KRT40: variants seen among roughly 807,000 people sequenced by gnomAD.
KRT40 encodes keratin 40.
A neutral mutation model predicts 43.5 loss-of-function variants in KRT40; 47 were observed. That is an observed-to-expected ratio of 1.08 (90% CI 0.86 to 1.38). KRT40 has a LOEUF of 1.38. Among genes scored for constraint, KRT40 ranks in the 40% most tolerant of loss-of-function variants. KRT40 has a pLI of 0.00. For synonymous variants in KRT40, 212 were observed against 214.0 expected, an observed-to-expected ratio of 0.99 and a Z score of 0.08; for missense variants, 573 against 523.6, an observed-to-expected ratio of 1.09 and a Z score of -0.92.
rs773987290 is a variant in KRT40 at position 40,982,454 on chromosome 17, A to G, written c.540T>C (p.Ser180=). Reference sequence around the variant, plus strand: ...CTAACAGCTGGCGAAGGGACAGTTCACTCTCGTACCTTTCACAGCAAAAGA... The same window carrying G: ...CTAACAGCTGGCGAAGGGACAGTTCGCTCTCGTACCTTTCACAGCAAAAGA... ...ATDDFKSKYE[S]ELSLRQLLEA... is the part of the protein sequence containing the mutation. The change falls in exon 3 of 7, where the codon AGT becomes AGC. Residue 180 remains serine (S), a synonymous_variant. Transcript: ENST00000377755. The G allele has an allele frequency of 1.3e-6, 2 of 1,576,404 alleles. No individual in the cohort carries two copies. Among genetic ancestry groups the G allele is most frequent in the Non-Finnish European group, 1.7e-6 (2 of 1,165,110 alleles).
chr17:40,979,099 G>C, intron 5 of KRT40, 75 bp from the exon 6 acceptor site: 1 of 1,171,320 alleles, frequency 8.5e-7, no homozygotes. Context: ...TCAAATTCCT[G>C]CTTACCCTTT....
chr17:40,984,364 A>C, upstream of KRT40: 1 of 957,034 alleles, frequency 1.0e-6, no homozygotes, highest in Non-Finnish European at 1.5e-6. Context: ...TAACCCCCCA[A>C]AATGGGTGTT....
Position 40,984,064 on chromosome 17 carries a change from A to G in KRT40, c.210T>C (p.Ser70=), listed in dbSNP as rs781435675. ...AGGCACAGTTCCCCACCAAGCAGGG[A>G]CTATTACAACTCCCAGTAAAGTAGC... ...LPCYFTGSCN[S]PCLVGNCAWC... is the part of the protein sequence containing the mutation. The change falls in exon 1 of 7, where the codon AGT becomes AGC. Residue 70 remains serine (S), a synonymous_variant. Transcript: ENST00000377755. The G allele has an allele frequency of 6.2e-7, 1 of 1,614,078 alleles. No homozygotes were observed. The highest frequency in any genetic ancestry group is 8.5e-7 in the Non-Finnish European group (1 of 1,180,016).
At chr17:40,980,706 C>A in intron 5 of KRT40, 79 bp downstream of exon 5, 1 of 1,490,742 alleles carries the variant, frequency 6.7e-7, no homozygotes. Flanking sequence ...AAATGTGATC[C>A]TCGGATATGG....
chr17:40,980,961 C>T (rs1415761498), intron 4 of KRT40, 29 bp downstream of exon 4: 9 of 1,614,160 alleles, frequency 5.6e-6, no homozygotes, highest in East Asian at 2.2e-5. Flanking sequence ...AGTCTGTAAG[C>T]CTGACATTTT....
In KRT40 at chr17:40,978,785, G is replaced by A; in HGVS notation, c.1196+19C>T. On this transcript the variant is annotated intron_variant, in intron 6 of 6. Coordinates refer to ENST00000377755, the MANE Select transcript of KRT40 (RefSeq NM_001389244.1). ...TCTTTGTGACTCTGGGGGATTTCATGAGTAACTGTGGAACTTGCCTGCTGT... is the reference window on the plus strand; with the variant it reads ...TCTTTGTGACTCTGGGGGATTTCATAAGTAACTGTGGAACTTGCCTGCTGT... 1 of 1,597,970 alleles carries A rather than the reference G, an allele frequency of 6.3e-7. No individual in the cohort carries two copies. Among genetic ancestry groups the A allele is most frequent in the Non-Finnish European group, 8.6e-7 (1 of 1,168,104 alleles).
At chr17:40,985,791 A>G (rs900646371), upstream of KRT40, among the ~76,000 whole-genome samples, 2 of 152,214 alleles carry the variant, frequency 1.3e-5, no homozygotes, top group African/African-American at 4.8e-5. Flanking sequence ...ATTCAAAAAC[A>G]CTTCTGAAAA....
chr17:40,987,083 C>A (rs2143698371), upstream of KRT40: 1 of 152,340 alleles, frequency 6.6e-6, no homozygotes, highest in Non-Finnish European at 1.5e-5. Context: ...TCAACTGCCT[C>A]ATGTGGAGAT....
upstream of KRT40, among the ~76,000 whole-genome samples, chr17:40,986,531 T>C (rs1313727761): frequency 6.6e-6 from 1 of 152,158 alleles, no homozygotes; most frequent in Non-Finnish European, 1.5e-5. Context: ...GCCCATTGCT[T>C]CCTTGCAACG....
In KRT40 at chr17:40,984,262, G is replaced by C; in HGVS notation, c.12C>G (p.Asp4Glu). MTS[D>E]CSSTHCSPES... is the part of the protein sequence containing the mutation. ...CAGGAGAGCAGTGTGTGGAGGAGCAGTCAGAAGTCATCCTTCCAGAAGCAA... is the reference window on the plus strand; with the variant it reads ...CAGGAGAGCAGTGTGTGGAGGAGCACTCAGAAGTCATCCTTCCAGAAGCAA... Residue 4 changes from aspartate (D) to glutamate (E), a missense_variant, in exon 1 of 7, where the codon GAC becomes GAG. Transcript: ENST00000377755. 1.2e-6 allele frequency: 2 copies of C among 1,605,072 alleles called. No individual in the cohort carries two copies. The highest frequency in any genetic ancestry group is 1.7e-6 in the Non-Finnish European group (2 of 1,173,286).
intron 1 of KRT40, 94 bp downstream of exon 1, chr17:40,983,733 C>T: frequency 1.6e-6 from 2 of 1,284,648 alleles, no homozygotes; most frequent in Non-Finnish European, 1.1e-6. Context: ...TTTCCTTTCC[C>T]TTGGTTTCCT....
At chr17:40,984,380 A>G, upstream of KRT40, 1 of 758,688 alleles carries the variant, frequency 1.3e-6, no homozygotes, top group Non-Finnish European at 2.1e-6. Flanking sequence ...GTGTTTACAG[A>G]CTGCACCGGA....
At chr17:40,985,416 T>C (rs1184609389), upstream of KRT40, among the ~76,000 whole-genome samples, 3 of 152,210 alleles carry the variant, frequency 2.0e-5, no homozygotes, top group Non-Finnish European at 4.4e-5. Context: ...TGCTTGGTTT[T>C]AGTCGTTACA....
chr17:40,981,898 A>C (rs1193095799), intron 3 of KRT40, among the ~76,000 whole-genome samples: 1 of 137,088 alleles, frequency 7.3e-6, no homozygotes, highest in Non-Finnish European at 1.6e-5. Context: ...TTGTTTTTTG[A>C]GATGGAGTCT....
upstream of KRT40, among the ~76,000 whole-genome samples, chr17:40,985,016 A>C (rs1336297184): frequency 6.6e-6 from 1 of 152,142 alleles, no homozygotes; most frequent in African/African-American, 2.4e-5. Flanking sequence ...CCTTCTCCAC[A>C]TTTCTCATTG....
At chr17:40,987,071 G>A (rs188693621), upstream of KRT40, 5 of 152,312 alleles carry the variant, frequency 3.3e-5, no homozygotes, top group African/African-American at 4.8e-5. Context: ...CTGAAACGTC[G>A]TTCAACTGCC....
chr17:40,982,617 C>T (rs764391318), intron 2 of KRT40, among the ~76,000 whole-genome samples, 154 bp from the exon 3 acceptor site: 46 of 151,964 alleles, frequency 3.0e-4, no homozygotes, highest in Non-Finnish European at 5.7e-4. Context: ...TTAAAACATT[C>T]TTAACTTTAA....
Position 40,981,122 on chromosome 17 carries a change from G to A in KRT40, c.717C>T (p.Gly239=), listed in dbSNP as rs572577879. 5.9e-5 allele frequency: 95 copies of A among 1,614,050 alleles called. No homozygotes were observed. Among genetic ancestry groups the A allele is most frequent in the South Asian group, 8.8e-5 (8 of 91,060 alleles). The change falls in exon 4 of 7, where the codon GGC becomes GGT. Residue 239 remains glycine, a synonymous_variant. Coordinates refer to ENST00000377755, the MANE Select transcript of KRT40 (RefSeq NM_001389244.1). ...EEVNLLREQL[G]DRLSVELDTA... ...TGTCCAGCTCCACACTGAGGCGGTC[G>A]CCAAGCTGTTCACGAAGCAAGTTGA...
Position 40,983,127 on chromosome 17 carries a change from A to C in KRT40, c.449T>G (p.Ile150Ser). The change falls in exon 2 of 7, where the codon ATC becomes AGC. Residue 150 changes from isoleucine (I) to serine (S), a missense_variant and splice_region_variant. By Grantham distance (142) the Ile-to-Ser change is moderately radical. Coordinates refer to ENST00000377755, the MANE Select transcript of KRT40 (RefSeq NM_001389244.1). ...FNTIEDLQQK[I>S]LCTKAENSRL... ...AGAATTCTCTGCTTTCGTGCATAAGATCTGGGAAGCAAGTCATTATGTGAT... is the reference window on the plus strand; with the variant it reads ...AGAATTCTCTGCTTTCGTGCATAAGCTCTGGGAAGCAAGTCATTATGTGAT... 4 of 1,398,806 alleles carry C rather than the reference A, an allele frequency of 2.9e-6. No homozygotes were observed. The South Asian group carries it at 4.9e-5, about 17-fold the overall frequency. 86.6% of individuals were successfully genotyped at this position (1,398,806 alleles called of 1,614,324 possible).
Sources: gnomAD v4.1 joint callset for allele counts (sites outside exome capture counted in the v4.1 genomes callset) on GRCh38, gnomAD v4.1.1 for gene constraint, MANE v1.5 for transcripts, NCBI Gene and HGNC (gene_info 2026-07-23, HGNC 2026-07-21) for gene names.